Variants in KHDRBS2 observed in about 807,000 individuals in gnomAD.
KHDRBS2 encodes the protein KH domain-containing, RNA-binding, signal transduction-associated protein 2.
A neutral mutation model predicts 44.3 loss-of-function variants in KHDRBS2; 26 were observed. The ratio of observed to expected loss-of-function variants is 0.59; its 90% CI spans 0.43 to 0.81. The LOEUF (loss-of-function observed/expected upper bound fraction) is 0.81. Among genes scored for constraint, KHDRBS2 ranks in the 40% least tolerant of loss-of-function variants. KHDRBS2 has a pLI of 0.00. For missense variants in KHDRBS2, 476 were observed against 433.1 expected (o/e 1.10, Z -0.88); for synonymous variants, 194 against 151.1 (o/e 1.28, Z -2.08).
intron 2 of KHDRBS2, among the ~76,000 whole-genome samples, chr6:62,134,389 A>G (rs531803976): frequency 6.6e-6 from 1 of 152,300 alleles, no homozygotes; most frequent in South Asian, 2.1e-4. Context: ...CCTAGATTTC[A>G]GAGGATGTAT....
chr6:61,576,941 T>C, the KHDRBS2 span, among the ~76,000 whole-genome samples: 1 of 152,152 alleles, frequency 6.6e-6, no homozygotes. Context: ...TCACTGTACA[T>C]TGTTGCCTGA....
At chr6:61,646,032 G>A in the KHDRBS2 span, among the ~76,000 whole-genome samples, 3 of 152,078 alleles carry the variant, frequency 2.0e-5, no homozygotes, top group Non-Finnish European at 4.4e-5. Flanking sequence ...TAATCTCTGA[G>A]TCTCAGTCCT....
intron 3 of KHDRBS2, among the ~76,000 whole-genome samples, chr6:62,039,235 T>C (rs1208356329): frequency 1.4e-5 from 2 of 140,214 alleles, no homozygotes; most frequent in African/African-American, 2.7e-5. Context: ...CATGTACATA[T>C]CTATATAGAT....
At chr6:62,061,967 G>A (rs1196247513) in intron 2 of KHDRBS2, among the ~76,000 whole-genome samples, 4 of 151,454 alleles carry the variant, frequency 2.6e-5, no homozygotes, top group African/African-American at 9.7e-5. Context: ...TGATCACATC[G>A]GCTCCTGAGG....
At chr6:62,025,928 A>G (rs1413482364) in intron 3 of KHDRBS2, among the ~76,000 whole-genome samples, 1 of 152,084 alleles carries the variant, frequency 6.6e-6, no homozygotes, top group Non-Finnish European at 1.5e-5. Flanking sequence ...TTTAAAAAGT[A>G]TTTCTCATAA....
intron 4 of KHDRBS2, among the ~76,000 whole-genome samples, chr6:61,914,795 G>A (rs544857850): frequency 2.0e-4 from 30 of 151,982 alleles, no homozygotes; most frequent in Non-Finnish European, 3.8e-4. Flanking sequence ...TCTTGCTTAG[G>A]AAAAAATTAA....
intron 7 of KHDRBS2, among the ~76,000 whole-genome samples, chr6:61,705,813 T>C (rs909239720): frequency 6.6e-6 from 1 of 151,760 alleles, no homozygotes; most frequent in African/African-American, 2.4e-5. Flanking sequence ...TTCAATTTTT[T>C]CCTCCTCTGG....
the KHDRBS2 span, among the ~76,000 whole-genome samples, chr6:61,570,607 G>C: frequency 6.6e-6 from 1 of 151,976 alleles, no homozygotes; most frequent in African/African-American, 2.4e-5. Context: ...TCATCACCCA[G>C]GCACATAGTC....
chr6:61,831,779 A>G (rs1296673225), intron 6 of KHDRBS2, among the ~76,000 whole-genome samples: 2 of 152,208 alleles, frequency 1.3e-5, no homozygotes, highest in Non-Finnish European at 2.9e-5. Flanking sequence ...GAAATTATCT[A>G]TTCAAAATAT....
intron 6 of KHDRBS2, among the ~76,000 whole-genome samples, chr6:61,833,264 T>C (rs1330419821): frequency 6.6e-6 from 1 of 152,202 alleles, no homozygotes; most frequent in Non-Finnish European, 1.5e-5. Context: ...TAACAATTTG[T>C]TAGTAATGCT....
At chr6:61,604,193 G>A in the KHDRBS2 span, among the ~76,000 whole-genome samples, 1 of 152,112 alleles carries the variant, frequency 6.6e-6, no homozygotes, top group Non-Finnish European at 1.5e-5. Context: ...CACTATACAA[G>A]GGTCATCTAT....
chr6:62,030,978 T>C (rs1219444233), intron 3 of KHDRBS2, among the ~76,000 whole-genome samples: 1 of 152,038 alleles, frequency 6.6e-6, no homozygotes, highest in East Asian at 1.9e-4. Flanking sequence ...ACTACTGACA[T>C]ACACAACAAC....
At chr6:61,661,447 GTCAA>G in the KHDRBS2 span, 1 of 151,874 alleles carries the variant, frequency 6.6e-6, no homozygotes, top group Non-Finnish European at 1.5e-5. Flanking sequence ...CATATTGGAT[GTCAA>G]TCAGTCTCAT....
At chr6:62,246,102 TTATATATA>T (rs150717074) in intron 1 of KHDRBS2, among the ~76,000 whole-genome samples, 26,882 of 124,376 alleles carry the variant, frequency 0.22, 3,084 homozygotes, top group African/African-American at 0.35. Context: ...TCAATCAATT[TTATATATA>T]TATATATATA....
chr6:62,114,519 G>A (rs1805757014), intron 2 of KHDRBS2, among the ~76,000 whole-genome samples: 1 of 152,024 alleles, frequency 6.6e-6, no homozygotes. Flanking sequence ...AATAAAACAG[G>A]TAAAATTATT....
At chr6:61,619,211 T>A in the KHDRBS2 span, among the ~76,000 whole-genome samples, 1 of 151,668 alleles carries the variant, frequency 6.6e-6, no homozygotes, top group Non-Finnish European at 1.5e-5. Context: ...AGTACACCCA[T>A]CACCCAAGTA....
At chr6:62,263,488 AAACT>A (rs748470513) in intron 1 of KHDRBS2, among the ~76,000 whole-genome samples, 3 of 151,714 alleles carry the variant, frequency 2.0e-5, no homozygotes. Flanking sequence ...TGGAAACAAC[AAACT>A]ATTTTTGTTT....
intron 2 of KHDRBS2, among the ~76,000 whole-genome samples, chr6:62,120,828 G>A (rs950562848): frequency 4.6e-5 from 7 of 152,134 alleles, no homozygotes; most frequent in Non-Finnish European, 5.9e-5. Context: ...AGGTCTACTC[G>A]AGGAAGGACC....
chr6:61,892,733 C>G (rs1226212478), intron 6 of KHDRBS2, among the ~76,000 whole-genome samples: 1 of 152,132 alleles, frequency 6.6e-6, no homozygotes, highest in East Asian at 1.9e-4. Flanking sequence ...CTTCCTTACA[C>G]CTTATACAAA....
Sources: allele counts gnomAD v4.1 joint callset (sites outside exome capture counted in the v4.1 genomes callset), GRCh38; gene constraint gnomAD v4.1.1; transcripts MANE v1.5; gene names NCBI Gene and HGNC (gene_info 2026-07-23, HGNC 2026-07-21).